The following PMF1 variants were observed in gnomAD, a reference collection of about 807,000 sequenced individuals.
PMF1 encodes the protein polyamine-modulated factor 1.
A neutral mutation model predicts 26.7 loss-of-function variants in PMF1; 21 were observed. The observed-to-expected ratio is 0.79, with a 90% CI of 0.56 to 1.13. The LOEUF (loss-of-function observed/expected upper bound fraction) is 1.13, where lower values mean the gene tolerates loss of function less well. Among genes scored for constraint, PMF1 ranks in the 50% most tolerant of loss-of-function variants. The probability of loss-of-function intolerance (pLI) is 0.00; values close to 1 mark genes in which losing one functional copy is unlikely to be tolerated. For synonymous variants in PMF1, 105 were observed against 101.0 expected, an observed-to-expected ratio of 1.04 and a Z score of -0.24; for missense variants, 266 against 254.9, an observed-to-expected ratio of 1.04 and a Z score of -0.30.
chr1:156,214,426 C>G (rs1252503243), intron 1 of PMF1, among the ~76,000 whole-genome samples: 1 of 152,128 alleles, frequency 6.6e-6, no homozygotes, highest in Non-Finnish European at 1.5e-5. Flanking sequence ...TTTACCTTTC[C>G]TACGCATAAT....
chr1:156,224,572 C>T (rs2247937), intron 1 of PMF1, among the ~76,000 whole-genome samples: 43,991 of 151,636 alleles, frequency 0.29, 6,536 homozygotes, highest in Non-Finnish European at 0.33. Flanking sequence ...GTCAGGAGAC[C>T]GAGACCACGG....
intron 1 of PMF1, among the ~76,000 whole-genome samples, chr1:156,225,127 T>G (rs1414016179): frequency 6.6e-6 from 1 of 152,018 alleles, no homozygotes; most frequent in Non-Finnish European, 1.5e-5. Flanking sequence ...CTCGAACTCC[T>G]GACCTCAGGT....
chr1:156,225,834 A>C (rs2103100528), intron 1 of PMF1, among the ~76,000 whole-genome samples: 1 of 152,312 alleles, frequency 6.6e-6, no homozygotes, highest in Admixed American at 6.5e-5. Context: ...TTTTGAAGTC[A>C]AATTTATTTA....
At chr1:156,232,488 C>G in intron 2 of PMF1, 63 bp downstream of exon 2, 1 of 1,536,782 alleles carries the variant, frequency 6.5e-7, no homozygotes, top group Non-Finnish European at 9.0e-7. Flanking sequence ...TTGTCAGTCC[C>G]CTGAGGGCAG....
chr1:156,231,579 T>C (rs1413958751), intron 1 of PMF1, among the ~76,000 whole-genome samples: 1 of 151,750 alleles, frequency 6.6e-6, no homozygotes, highest in Non-Finnish European at 1.5e-5. Flanking sequence ...GGCGGGTGCC[T>C]GTAATCCCAG....
chr1:156,231,991 G>A (rs929440568), intron 1 of PMF1, among the ~76,000 whole-genome samples: 4 of 152,196 alleles, frequency 2.6e-5, no homozygotes, highest in Admixed American at 2.0e-4. Context: ...GGCTCTCAAA[G>A]TGTGGTTCCC....
chr1:156,223,033 T>G lies in PMF1; in HGVS notation c.162-9287T>G, dbSNP rs1658170527. Among the ~76,000 whole-genome samples the G allele has an allele frequency of 1.3e-5, 2 of 152,332 alleles. 1 individual carries two copies. The highest frequency in any genetic ancestry group is 3.9e-4 in the East Asian group (2 of 5,188). On this transcript the variant is annotated intron_variant, in intron 1 of 4. Transcript: ENST00000368277. ...ACAGGAAAAAGAGTGGTTTAATATATAAACTATTCTGACTATAAATGCCCT... is the reference window on the plus strand; with the variant it reads ...ACAGGAAAAAGAGTGGTTTAATATAGAAACTATTCTGACTATAAATGCCCT...
At chr1:156,238,181 G>T (rs1015759522) in intron 4 of PMF1, among the ~76,000 whole-genome samples, 2 of 152,184 alleles carry the variant, frequency 1.3e-5, no homozygotes, top group Non-Finnish European at 2.9e-5. Flanking sequence ...GGTTACTAGA[G>T]CCTTGTACAA....
At chr1:156,217,658 G>A (rs866473779) in intron 1 of PMF1, among the ~76,000 whole-genome samples, 1 of 151,770 alleles carries the variant, frequency 6.6e-6, no homozygotes, top group Non-Finnish European at 1.5e-5. Context: ...CCCAGGAGGC[G>A]GGGAAGTTGC....
chr1:156,216,325 A>G (rs1657697488), intron 1 of PMF1, among the ~76,000 whole-genome samples: 2 of 152,144 alleles, frequency 1.3e-5, no homozygotes, highest in Non-Finnish European at 2.9e-5. Flanking sequence ...TGGGAAGCGG[A>G]GGTTTCAGTG....
At position 156,224,960 on chromosome 1, in the gene PMF1, C is replaced by T. The variant is rs531735825; in HGVS notation, c.162-7360C>T. 3.7e-3 allele frequency among the ~76,000 whole-genome samples: 556 copies of T among 151,190 alleles called. 2 individuals are homozygous for T. The highest frequency in any genetic ancestry group is 0.012 in the African/African-American group (478 of 41,250). Reference sequence around the variant, plus strand: ...TGTTGCCCAGGCTGGAGGGCAGTGGCGCCATCTTGGCTCACTGCAACCTCC... The same window carrying T: ...TGTTGCCCAGGCTGGAGGGCAGTGGTGCCATCTTGGCTCACTGCAACCTCC... On this transcript the variant is annotated intron_variant, in intron 1 of 4. Coordinates refer to ENST00000368277, the MANE Select transcript of PMF1 (RefSeq NM_007221.4).
chr1:156,237,894 G>C (rs544450283), intron 4 of PMF1, among the ~76,000 whole-genome samples: 1 of 151,520 alleles, frequency 6.6e-6, no homozygotes, highest in African/African-American at 2.4e-5. Context: ...TCAGTCTCCC[G>C]AGTAGCTGGG....
At chr1:156,213,808 A>T (rs1657531994) in intron 1 of PMF1, among the ~76,000 whole-genome samples, 1 of 152,252 alleles carries the variant, frequency 6.6e-6, no homozygotes, top group Admixed American at 6.5e-5. Context: ...ACATAGAAAG[A>T]TTTGTTAGCT....
In PMF1 at chr1:156,239,835, A is replaced by G. The variant is rs1659246154; in HGVS notation, c.*234A>G. The stretch of plus-strand genomic sequence containing the variant: ...AGATTCCTCTGTTTCTTCTACCTGG[A>G]TAATTCTTGGCCATGTTCTCTCTTC... On this transcript the variant is annotated 3_prime_UTR_variant, in exon 5 of 5. Transcript: ENST00000368277. 1 of 503,988 alleles carries G rather than the reference A, an allele frequency of 2.0e-6. No homozygotes were observed. The highest frequency in any genetic ancestry group is 3.5e-6 in the Non-Finnish European group (1 of 283,564). 31.2% of individuals were successfully genotyped at this position (503,988 alleles called of 1,614,324 possible). A position where few individuals can be genotyped will look rare whatever the true frequency, so the allele number is the denominator to read the frequency against.
At chr1:156,233,795 T>TC in intron 3 of PMF1, 67 bp downstream of exon 3, 1 of 1,465,486 alleles carries the variant, frequency 6.8e-7, no homozygotes, top group Non-Finnish European at 9.3e-7. Context: ...TTTTTTTTTT[T>TC]TCTAGAGTCA....
chr1:156,231,970 G>T (rs1195320661), intron 1 of PMF1, among the ~76,000 whole-genome samples: 1 of 152,186 alleles, frequency 6.6e-6, no homozygotes, highest in African/African-American at 2.4e-5. Context: ...CAGGGCACTG[G>T]AATGACCAGA....
intron 1 of PMF1, among the ~76,000 whole-genome samples, chr1:156,221,132 C>T (rs1658058101): frequency 6.6e-6 from 1 of 152,100 alleles, no homozygotes; most frequent in African/African-American, 2.4e-5. Flanking sequence ...GTGAATGTTG[C>T]CCTCTCCTTA....
intron 1 of PMF1, among the ~76,000 whole-genome samples, chr1:156,228,288 T>TTTTTTTTTTTTTTTTTC (rs1371074585): frequency 7.0e-6 from 1 of 143,792 alleles, no homozygotes; most frequent in Non-Finnish European, 1.5e-5. Context: ...TTTTTTTTTT[T>TTTTTTTTTTTTTTTTTC]AGTGTATCAC....
intron 1 of PMF1, among the ~76,000 whole-genome samples, chr1:156,224,792 A>G (rs1017254683): frequency 5.3e-5 from 8 of 151,916 alleles, no homozygotes; most frequent in African/African-American, 1.5e-4. Flanking sequence ...AAAAAGAAAC[A>G]TTTATCTCTT....
Sources: allele counts gnomAD v4.1 joint callset (sites outside exome capture counted in the v4.1 genomes callset), GRCh38; gene constraint gnomAD v4.1.1; transcripts MANE v1.5; gene names NCBI Gene and HGNC (gene_info 2026-07-23, HGNC 2026-07-21).